The following KLHL1 variants were observed in gnomAD, a reference collection of about 807,000 sequenced individuals.
KLHL1 encodes the protein kelch-like protein 1.
Under a neutral mutation model 77.7 loss-of-function variants are expected in KLHL1, and 47 were observed. That is an observed-to-expected ratio of 0.60 (90% confidence interval 0.48 to 0.77). The LOEUF (loss-of-function observed/expected upper bound fraction) is 0.77, where lower values mean the gene tolerates loss of function less well. KLHL1 is among the 30% of genes least tolerant of loss of function. The pLI is 0.00. For missense variants in KLHL1, 925 were observed against 910.8 expected, an observed-to-expected ratio of 1.02 and a Z score of -0.20; for synonymous variants, 360 against 325.2, an observed-to-expected ratio of 1.11 and a Z score of -1.15.
At chr13:69,761,039 T>C (rs975251531) in intron 7 of KLHL1, among the ~76,000 whole-genome samples, 54 of 152,098 alleles carry the variant, frequency 3.6e-4, no homozygotes, top group African/African-American at 1.3e-3. Context: ...CACTCAATGC[T>C]CCTGGGAGTT....
chr13:69,859,508 C>T (rs962137613), intron 5 of KLHL1, among the ~76,000 whole-genome samples: 9 of 151,964 alleles, frequency 5.9e-5, no homozygotes, highest in Non-Finnish European at 8.8e-5. Context: ...GTCCTTCCCT[C>T]TAGGATATGC....
intron 1 of KLHL1, among the ~76,000 whole-genome samples, chr13:70,075,341 T>TA (rs1165460509): frequency 6.6e-6 from 1 of 150,476 alleles, no homozygotes; most frequent in East Asian, 1.9e-4. Flanking sequence ...AAAAATAAAA[T>TA]AAAAAAATAA....
chr13:70,100,490 T>C (rs2137453828), intron 1 of KLHL1, among the ~76,000 whole-genome samples: 1 of 152,236 alleles, frequency 6.6e-6, no homozygotes, highest in East Asian at 1.9e-4. Context: ...CAAACTTGTA[T>C]TCAAATAAAA....
chr13:69,936,009 A>G (rs1883176853), intron 4 of KLHL1, among the ~76,000 whole-genome samples: 1 of 140,696 alleles, frequency 7.1e-6, no homozygotes, highest in African/African-American at 3.0e-5. Context: ...AAGAAAGTTT[A>G]TGATATCACA....
chr13:69,808,180 C>T (rs1346970694), intron 6 of KLHL1, among the ~76,000 whole-genome samples: 3 of 152,150 alleles, frequency 2.0e-5, no homozygotes, highest in Non-Finnish European at 4.4e-5. Context: ...AGCAGTGGCT[C>T]TTCCCACTGG....
intron 4 of KLHL1, among the ~76,000 whole-genome samples, chr13:69,896,937 C>T (rs2325250): frequency 0.9 from 137,222 of 152,078 alleles, 62,678 homozygotes; most frequent in East Asian, 0.97. Flanking sequence ...CCCAATGTGC[C>T]GGGATTACAG....
intron 7 of KLHL1, among the ~76,000 whole-genome samples, chr13:69,790,561 T>TA (rs1319089050): frequency 1.3e-5 from 2 of 151,270 alleles, no homozygotes; most frequent in African/African-American, 2.5e-5. Flanking sequence ...AACAAACAAA[T>TA]AAAGAAATAC....
chr13:69,870,634 AAT>A (rs1013849759), intron 5 of KLHL1, among the ~76,000 whole-genome samples: 1 of 151,788 alleles, frequency 6.6e-6, no homozygotes, highest in African/African-American at 2.4e-5. Context: ...ACAAAATAAA[AAT>A]ATATATATAT....
intron 6 of KLHL1, among the ~76,000 whole-genome samples, chr13:69,835,097 T>C (rs1217034922): frequency 6.6e-6 from 1 of 152,128 alleles, no homozygotes; most frequent in African/African-American, 2.4e-5. Context: ...TCCAAAATGT[T>C]TGAAAAATTT....
At chr13:69,911,379 A>G (rs1443047206) in intron 4 of KLHL1, among the ~76,000 whole-genome samples, 1 of 152,068 alleles carries the variant, frequency 6.6e-6, no homozygotes, top group Non-Finnish European at 1.5e-5. Flanking sequence ...GGTATCAAAA[A>G]TTTTGACCCT....
intron 7 of KLHL1, among the ~76,000 whole-genome samples, chr13:69,741,000 T>C (rs1873964797): frequency 6.6e-6 from 1 of 152,160 alleles, no homozygotes; most frequent in Non-Finnish European, 1.5e-5. Context: ...TAAAATACTT[T>C]GTTACTTACA....
At chr13:69,874,421 G>A (rs1271749233) in intron 5 of KLHL1, among the ~76,000 whole-genome samples, 1 of 151,872 alleles carries the variant, frequency 6.6e-6, no homozygotes, top group African/African-American at 2.4e-5. Flanking sequence ...TGATGCATTC[G>A]ACTATCTACT....
At chr13:69,743,834 A>T (rs954924987) in intron 7 of KLHL1, among the ~76,000 whole-genome samples, 1 of 151,864 alleles carries the variant, frequency 6.6e-6, no homozygotes, top group Non-Finnish European at 1.5e-5. Context: ...GAAAAAAAAA[A>T]AAAACAGAAG....
At chr13:70,089,281 G>A (rs117162584) in intron 1 of KLHL1, among the ~76,000 whole-genome samples, 38 of 152,174 alleles carry the variant, frequency 2.5e-4, no homozygotes, top group Admixed American at 6.5e-4. Context: ...TGTTGTTGCC[G>A]TCAGTTGTTT....
intron 1 of KLHL1, among the ~76,000 whole-genome samples, chr13:70,060,841 C>T (rs905298328): frequency 2.9e-5 from 3 of 103,814 alleles, no homozygotes; most frequent in Admixed American, 9.8e-5. Flanking sequence ...AGTGAAACTT[C>T]GTCTCAAAAG....
At chr13:69,858,982 A>G (rs35894775) in intron 5 of KLHL1, among the ~76,000 whole-genome samples, 48,100 of 151,626 alleles carry the variant, frequency 0.32, 8,060 homozygotes, top group African/African-American at 0.44. Flanking sequence ...TCACCTATTC[A>G]TATACGTGTC....
intron 1 of KLHL1, among the ~76,000 whole-genome samples, chr13:69,981,403 A>G (rs1884701814): frequency 6.6e-6 from 1 of 152,026 alleles, no homozygotes; most frequent in Non-Finnish European, 1.5e-5. Flanking sequence ...TTTCTAAGTG[A>G]TAAGAGTTAG....
chr13:69,730,641 C>G (rs1335275060), intron 8 of KLHL1, among the ~76,000 whole-genome samples: 7 of 152,006 alleles, frequency 4.6e-5, no homozygotes, highest in Admixed American at 6.6e-5. Flanking sequence ...GTGGCATGAT[C>G]ACAGCTCACT....
chr13:69,908,187 G>A (rs1304912060), intron 4 of KLHL1, among the ~76,000 whole-genome samples: 1 of 151,898 alleles, frequency 6.6e-6, no homozygotes, highest in Non-Finnish European at 1.5e-5. Context: ...TACCAGCAGA[G>A]TATAGATTTG....
Sources: allele counts gnomAD v4.1 joint callset (sites outside exome capture counted in the v4.1 genomes callset), GRCh38; gene constraint gnomAD v4.1.1; transcripts MANE v1.5; gene names NCBI Gene and HGNC (gene_info 2026-07-23, HGNC 2026-07-21).